CALN1: variants seen among roughly 807,000 people sequenced by gnomAD.
CALN1 encodes the protein calneuron 1, also known as calcium-binding protein 8.
CALN1 carries 17 observed loss-of-function variants against 30.6 expected under a neutral mutation model. That is an observed-to-expected ratio of 0.56 (90% CI 0.38 to 0.83). The LOEUF (loss-of-function observed/expected upper bound fraction) is 0.83, where lower values mean the gene tolerates loss of function less well. CALN1 is among the 40% of genes least tolerant of loss of function. The pLI, the probability that CALN1 is intolerant of heterozygous loss-of-function variation, is 0.00. For missense variants in CALN1, 291 were observed against 354.9 expected (o/e 0.82, Z 1.45); for synonymous variants, 156 against 131.4 (o/e 1.19, Z -1.28).
chr7:72,097,121 G>C (rs1806289430), intron 4 of CALN1, among the ~76,000 whole-genome samples: 1 of 151,954 alleles, frequency 6.6e-6, no homozygotes, highest in African/African-American at 2.4e-5. Context: ...AGAACACCTG[G>C]ACACAGGAAG....
intron 2 of CALN1, among the ~76,000 whole-genome samples, chr7:72,400,794 T>C (rs901620187): frequency 3.9e-5 from 6 of 152,210 alleles, no homozygotes; most frequent in African/African-American, 1.2e-4. Flanking sequence ...AGACCCACCC[T>C]CTGCCCACTC....
intron 4 of CALN1, among the ~76,000 whole-genome samples, chr7:72,092,197 G>A (rs934892007): frequency 2.0e-5 from 3 of 152,078 alleles, no homozygotes; most frequent in Admixed American, 2.0e-4. Flanking sequence ...TCATGAGATT[G>A]AAAGGTTTTT....
chr7:72,093,897 T>C (rs760089083), intron 4 of CALN1, among the ~76,000 whole-genome samples: 9 of 152,176 alleles, frequency 5.9e-5, no homozygotes, highest in Non-Finnish European at 1.0e-4. Context: ...GACCTGAGAT[T>C]CAGAACAGGA....
At chr7:72,337,164 AT>A (rs1472595318) in intron 2 of CALN1, 1 of 985,150 alleles carries the variant, frequency 1.0e-6, no homozygotes, top group African/African-American at 1.7e-5. Context: ...TAGAAACTCC[AT>A]GCAGCTCCGG....
At chr7:72,054,472 TATAC>T (rs1487039646) in intron 4 of CALN1, among the ~76,000 whole-genome samples, 4 of 76,240 alleles carry the variant, frequency 5.2e-5, no homozygotes, top group South Asian at 7.3e-4. Context: ...TATATACATA[TATAC>T]ATACATATAT....
intron 1 of CALN1, among the ~76,000 whole-genome samples, chr7:72,430,715 G>A (rs1410490384): frequency 2.0e-5 from 3 of 152,110 alleles, no homozygotes; most frequent in South Asian, 2.1e-4. Context: ...CTAAGGACCC[G>A]GTCTGGCTGT....
chr7:72,140,913 G>A lies in CALN1; in HGVS notation c.245-34619C>T, dbSNP rs574922995. Among the ~76,000 whole-genome samples, 84 of 152,344 alleles carry A rather than the reference G, an allele frequency of 5.5e-4. No homozygotes were observed. The South Asian group carries it at 0.013, about 23-fold the overall frequency. ...TGGGGCCTTGCTCTGCAGTCCTGTG[G>A]CAGCTGGTTCCCCACCTGGGAGGAG... On this transcript the variant is annotated intron_variant, in intron 3 of 6. Transcript: ENST00000395275.
At chr7:72,406,628 C>T (rs4576314) in intron 1 of CALN1, among the ~76,000 whole-genome samples, 32,507 of 144,560 alleles carry the variant, frequency 0.22, 3,914 homozygotes, top group Non-Finnish European at 0.26. Flanking sequence ...TTTTTTTTTT[C>T]TTTTTTAAGA....
rs530491015 is a variant in CALN1, at chr7:71,871,665, A to G, written c.502-61173T>C. 2.0e-5 allele frequency among the ~76,000 whole-genome samples: 3 copies of G among 152,228 alleles called. No individual in the cohort carries two copies. In the South Asian group the frequency reaches 6.2e-4, roughly 32 times the overall value. ...CACCACCAGATGGCTCCTCCTCAGG[A>G]CATCGCACCTTCTGTTCCCACTCCT... On this transcript the variant is annotated intron_variant, in intron 5 of 6. Transcript: ENST00000395275.
intron 2 of CALN1, among the ~76,000 whole-genome samples, chr7:72,321,277 A>G (rs897187893): frequency 2.0e-5 from 3 of 152,248 alleles, no homozygotes; most frequent in African/African-American, 7.2e-5. Context: ...CGACACTGAC[A>G]TGCTGAGACA....
At chr7:72,015,682 G>A (rs577591074) in intron 5 of CALN1, among the ~76,000 whole-genome samples, 1 of 152,066 alleles carries the variant, frequency 6.6e-6, no homozygotes, top group Admixed American at 6.6e-5. Context: ...GTGCTCAAGA[G>A]AGCCTCCCAC....
At chr7:71,970,220 A>C (rs1274095208) in intron 5 of CALN1, among the ~76,000 whole-genome samples, 1 of 152,182 alleles carries the variant, frequency 6.6e-6, no homozygotes, top group Non-Finnish European at 1.5e-5. Context: ...GTTTCTAGGC[A>C]GTGGTTATCA....
the CALN1 span, among the ~76,000 whole-genome samples, chr7:72,491,119 C>T: frequency 1.3e-5 from 2 of 151,992 alleles, no homozygotes; most frequent in African/African-American, 4.8e-5. Context: ...TGGCAGGCGC[C>T]TGTAGTCCCA....
At chr7:71,991,052 G>T (rs1031667954) in intron 5 of CALN1, among the ~76,000 whole-genome samples, 1 of 151,160 alleles carries the variant, frequency 6.6e-6, no homozygotes, top group Non-Finnish European at 1.5e-5. Context: ...ACAGTGAGGG[G>T]GGGGGTCGAC....
At chr7:72,096,242 A>C (rs925752616) in intron 4 of CALN1, among the ~76,000 whole-genome samples, 1 of 152,152 alleles carries the variant, frequency 6.6e-6, no homozygotes, top group African/African-American at 2.4e-5. Flanking sequence ...GTCTCTGCAC[A>C]TGCAAGCACT....
intron 4 of CALN1, among the ~76,000 whole-genome samples, chr7:72,086,425 GTTA>G (rs374702327): frequency 6.6e-6 from 1 of 151,836 alleles, no homozygotes; most frequent in Non-Finnish European, 1.5e-5. Context: ...TATTGTAGTT[GTTA>G]TTATTATTAT....
the CALN1 span, among the ~76,000 whole-genome samples, chr7:72,495,705 T>C: frequency 6.6e-6 from 1 of 152,162 alleles, no homozygotes; most frequent in African/African-American, 2.4e-5. Flanking sequence ...GGCTATAAAG[T>C]TGCTTGGAAT....
intron 5 of CALN1, among the ~76,000 whole-genome samples, chr7:71,915,559 T>C (rs1453759642): frequency 3.3e-5 from 5 of 152,046 alleles, no homozygotes; most frequent in Non-Finnish European, 7.4e-5. Context: ...TGGTGAAACC[T>C]TGCCTCTATT....
At chr7:72,372,164 C>T (rs926097310) in intron 2 of CALN1, among the ~76,000 whole-genome samples, 7 of 152,138 alleles carry the variant, frequency 4.6e-5, no homozygotes, top group Non-Finnish European at 8.8e-5. Context: ...TTATTTCTTT[C>T]TTTTCCTTTT....
Sources: gnomAD v4.1 joint callset for allele counts (sites outside exome capture counted in the v4.1 genomes callset) on GRCh38, gnomAD v4.1.1 for gene constraint, MANE v1.5 for transcripts, NCBI Gene and HGNC (gene_info 2026-07-23, HGNC 2026-07-21) for gene names.